VPS53: variants seen among roughly 807,000 people sequenced by gnomAD.
VPS53 encodes the protein VPS53 subunit of GARP complex.
A neutral mutation model predicts 107.0 loss-of-function variants in VPS53; 70 were observed. The ratio of observed to expected loss-of-function variants is 0.65; its 90% CI spans 0.54 to 0.80. The LOEUF is 0.80. Ranked by LOEUF, VPS53 falls within the 30% of genes least tolerant of loss-of-function variation. The pLI, the probability that VPS53 is intolerant of heterozygous loss-of-function variation, is 0.00. For synonymous variants in VPS53, 409 were observed against 393.3 expected, an observed-to-expected ratio of 1.04 and a Z score of -0.47; for missense variants, 917 against 1,049.4, an observed-to-expected ratio of 0.87 and a Z score of 1.74.
intron 11 of VPS53, among the ~76,000 whole-genome samples, chr17:620,617 G>A (rs925081241): frequency 2.6e-5 from 4 of 152,186 alleles, no homozygotes; most frequent in African/African-American, 9.6e-5. Context: ...CTAATATAGC[G>A]TGGGTCACCA....
In VPS53 at chr17:662,552, A is replaced by G. The variant is rs575214172; in HGVS notation, c.286-657T>C. ...AAAATACAAAAAACTAGCCAGGCAC[A>G]GTGGCACGCACCTGTAGTCCCAGCT... is the stretch of plus-strand genomic sequence containing the variant. On this transcript the variant is annotated intron_variant, in intron 4 of 21. Transcript: ENST00000437048. Among the ~76,000 whole-genome samples the G allele has an allele frequency of 7.9e-5, 12 of 152,046 alleles. No individual in the cohort carries two copies. In the East Asian group the frequency reaches 1.2e-3, roughly 15 times the overall value.
At chr17:704,655 T>A (rs2143972747) in intron 2 of VPS53, among the ~76,000 whole-genome samples, 1 of 152,332 alleles carries the variant, frequency 6.6e-6, no homozygotes, top group South Asian at 2.1e-4. Flanking sequence ...ATAAATGTTC[T>A]GAGTTACTCT....
At chr17:673,048 C>T (rs1485159384) in intron 4 of VPS53, among the ~76,000 whole-genome samples, 2 of 148,636 alleles carry the variant, frequency 1.3e-5, no homozygotes, top group Admixed American at 6.8e-5. Flanking sequence ...GGAGGTGGAG[C>T]TTGCAGTGAG....
chr17:595,162 T>A (rs1404495212), intron 12 of VPS53, among the ~76,000 whole-genome samples: 2 of 107,882 alleles, frequency 1.9e-5, no homozygotes, highest in Non-Finnish European at 3.9e-5. Flanking sequence ...CCTCGTTTGA[T>A]GATGCACTCT....
chr17:570,187 C>T (rs1008628414), intron 13 of VPS53, among the ~76,000 whole-genome samples: 8 of 151,490 alleles, frequency 5.3e-5, no homozygotes, highest in South Asian at 2.1e-4. Flanking sequence ...ACCAACATGG[C>T]AAAACCCTGT....
At chr17:635,095 G>T (rs192265258) in intron 7 of VPS53, among the ~76,000 whole-genome samples, 22 of 152,262 alleles carry the variant, frequency 1.4e-4, no homozygotes, top group African/African-American at 5.1e-4. Context: ...ATTCTAACTG[G>T]TGTGAGATGG....
intron 17 of VPS53, among the ~76,000 whole-genome samples, chr17:541,323 G>A (rs1429598605): frequency 1.3e-5 from 2 of 152,168 alleles, no homozygotes; most frequent in Admixed American, 6.5e-5. Flanking sequence ...TTTATCAACC[G>A]CCTGCCACAC....
At chr17:662,297 A>T (rs1423284720) in intron 4 of VPS53, among the ~76,000 whole-genome samples, 2 of 152,332 alleles carry the variant, frequency 1.3e-5, no homozygotes, top group Admixed American at 1.3e-4. Context: ...CAGATTGTGC[A>T]TTCAAAAAAA....
chr17:623,006 G>C (rs190902282), intron 11 of VPS53, among the ~76,000 whole-genome samples: 3 of 152,112 alleles, frequency 2.0e-5, no homozygotes, highest in African/African-American at 7.2e-5. Context: ...AGAGGTTTCC[G>C]GAGTGAAAAT....
At chr17:624,380 G>A (rs1597396176) in intron 10 of VPS53, among the ~76,000 whole-genome samples, 1 of 152,182 alleles carries the variant, frequency 6.6e-6, no homozygotes, top group East Asian at 1.9e-4. Flanking sequence ...GATCCCTGCG[G>A]GAAAAGTGGC....
chr17:651,562 T>C (rs1218060423), intron 7 of VPS53, among the ~76,000 whole-genome samples: 1 of 152,054 alleles, frequency 6.6e-6, no homozygotes, highest in Non-Finnish European at 1.5e-5. Context: ...CTACACTCCA[T>C]CCTGGGTGAC....
At chr17:627,762 C>T (rs944150748) in intron 9 of VPS53, among the ~76,000 whole-genome samples, 4 of 109,624 alleles carry the variant, frequency 3.6e-5, no homozygotes, top group South Asian at 3.4e-4. Flanking sequence ...GCAACAAGAG[C>T]GAAACTCCGT....
In VPS53 at chr17:710,707, C is replaced by T. The variant is rs936259670; in HGVS notation, c.88-94G>A. 32 of 958,164 alleles carry T rather than the reference C, an allele frequency of 3.3e-5. 1 individual carries two copies. Among genetic ancestry groups the T allele is most frequent in the Admixed American group, 3.2e-4 (14 of 43,096 alleles). 59.4% of individuals were successfully genotyped at this position (958,164 alleles called of 1,614,324 possible). On this transcript the variant is annotated intron_variant, in intron 1 of 21. Coordinates refer to ENST00000437048, the MANE Select transcript of VPS53 (RefSeq NM_001128159.3). ...TCAATTAAAAGGAAAGGGCCGGGCA[C>T]GGTGGCTCATGCCTGTAATCACAGC...
intron 4 of VPS53, among the ~76,000 whole-genome samples, chr17:688,579 G>A (rs1306288028): frequency 6.6e-6 from 1 of 152,152 alleles, no homozygotes; most frequent in Admixed American, 6.5e-5. Flanking sequence ...GACATTTTAT[G>A]AGTCCCCGCC....
At chr17:623,761 GAA>G in intron 10 of VPS53, 87 bp from the exon 11 acceptor site, 3 of 1,254,010 alleles carry the variant, frequency 2.4e-6, no homozygotes, top group Non-Finnish European at 2.1e-6. Context: ...CTTATATTCA[GAA>G]AAAAAAAATG....
intron 7 of VPS53, among the ~76,000 whole-genome samples, chr17:638,931 TTC>T (rs1175390414): frequency 1.3e-5 from 2 of 152,214 alleles, no homozygotes; most frequent in Non-Finnish European, 2.9e-5. Flanking sequence ...CTTTGTGGTG[TTC>T]TCTGTATTTC....
chr17:624,876 C>T (rs1043060130), intron 10 of VPS53, among the ~76,000 whole-genome samples: 6 of 152,112 alleles, frequency 3.9e-5, no homozygotes, highest in African/African-American at 1.2e-4. Context: ...TCTAAATCTA[C>T]AGGAGTCAAT....
chr17:526,579 G>C (rs1194460728), intron 19 of VPS53, among the ~76,000 whole-genome samples: 1 of 152,244 alleles, frequency 6.6e-6, no homozygotes, highest in Non-Finnish European at 1.5e-5. Flanking sequence ...ATGAAAATCT[G>C]CTAGTTTTCA....
intron 18 of VPS53, among the ~76,000 whole-genome samples, chr17:534,791 G>A (rs1040626286): frequency 3.9e-5 from 6 of 151,988 alleles, no homozygotes; most frequent in East Asian, 3.9e-4. Flanking sequence ...GGTGGCGAGC[G>A]CCTGTAATCC....
Sources: allele counts gnomAD v4.1 joint callset (sites outside exome capture counted in the v4.1 genomes callset), GRCh38; gene constraint gnomAD v4.1.1; transcripts MANE v1.5; gene names NCBI Gene and HGNC (gene_info 2026-07-23, HGNC 2026-07-21).